The following GUCY1B1 variants were observed in gnomAD, a reference collection of about 807,000 sequenced individuals.
The protein encoded by GUCY1B1 is guanylate cyclase soluble subunit beta-1.
Under a neutral mutation model 71.0 loss-of-function variants are expected in GUCY1B1, and 43 were observed. That is an observed-to-expected ratio of 0.61 (90% CI 0.47 to 0.78). GUCY1B1 has a LOEUF of 0.78. Among genes scored for constraint, GUCY1B1 ranks in the 30% least tolerant of loss-of-function variants. The pLI is 0.00. For synonymous variants in GUCY1B1, 266 were observed against 259.7 expected, an observed-to-expected ratio of 1.02 and a Z score of -0.23; for missense variants, 535 against 754.1, an observed-to-expected ratio of 0.71 and a Z score of 3.40.
intron 2 of GUCY1B1, among the ~76,000 whole-genome samples, chr4:155,769,927 G>A (rs1437947226): frequency 6.6e-6 from 1 of 151,868 alleles, no homozygotes; most frequent in Non-Finnish European, 1.5e-5. Context: ...AACAAAATTG[G>A]AGCTCAAAAA....
At chr4:155,789,543 G>A (rs1234161185) in intron 4 of GUCY1B1, among the ~76,000 whole-genome samples, 171 bp from the exon 5 acceptor site, 2 of 152,026 alleles carry the variant, frequency 1.3e-5, no homozygotes, top group Non-Finnish European at 2.9e-5. Context: ...CATTTTCTCT[G>A]TGGCACTTGC....
intron 6 of GUCY1B1, 69 bp from the exon 7 acceptor site, chr4:155,795,272 C>A: frequency 1.4e-6 from 1 of 710,240 alleles, no homozygotes; most frequent in South Asian, 1.9e-5. Flanking sequence ...TTTAATCAAG[C>A]GATTAATATC....
At chr4:155,805,257 T>A (rs1212782474) in intron 13 of GUCY1B1, 28 bp downstream of exon 13, 1 of 1,584,282 alleles carries the variant, frequency 6.3e-7, no homozygotes, top group South Asian at 1.1e-5. Flanking sequence ...GTAATTTGCG[T>A]ACTTAAGACA....
intron 4 of GUCY1B1, 103 bp from the exon 5 acceptor site, chr4:155,789,611 C>CTG: frequency 3.0e-6 from 2 of 668,458 alleles, no homozygotes; most frequent in South Asian, 3.8e-5. Context: ...CGCTGATCTG[C>CTG]CCACTAGACT....
chr4:155,804,518 T>C (rs1740178763), intron 11 of GUCY1B1, 75 bp from the exon 12 acceptor site: 3 of 1,198,874 alleles, frequency 2.5e-6, no homozygotes, highest in South Asian at 1.3e-5. Flanking sequence ...ATGCCAGAAC[T>C]TAAAGTAAAA....
At chr4:155,762,240 C>G (rs548171820) in intron 2 of GUCY1B1, among the ~76,000 whole-genome samples, 1 of 152,266 alleles carries the variant, frequency 6.6e-6, no homozygotes, top group Non-Finnish European at 1.5e-5. Context: ...CCTCCCCTCC[C>G]TACCCTCTGC....
Position 155,759,103 on chromosome 4 carries a change from G to A in GUCY1B1, c.-38G>A, listed in dbSNP as rs746934059. The stretch of plus-strand genomic sequence containing the variant: ...CCTGGGTCCCTTCGGCCGTACCTCT[G>A]CGTGGGGGCTGCCTCCCCGGCTCCC... On this transcript the variant is annotated 5_prime_UTR_variant, in exon 1 of 14. Transcript: ENST00000264424. The A allele has an allele frequency of 6.3e-7, 1 of 1,586,998 alleles. No homozygotes were observed.
chr4:155,786,563 G>A (rs1160567777), intron 4 of GUCY1B1, among the ~76,000 whole-genome samples: 5 of 146,542 alleles, frequency 3.4e-5, no homozygotes, highest in Non-Finnish European at 6.0e-5. Flanking sequence ...TCCACCTCCC[G>A]GGTTCATGCC....
chr4:155,766,768 A>G lies in GUCY1B1; in HGVS notation c.77+6908A>G, dbSNP rs533622596. ...TGATTGAATCCTTTAGCAAGTTTCT[A>G]AAAGGCAGGGATGTGTGGTGCTGTT... is the stretch of plus-strand genomic sequence containing the variant. On this transcript the variant is annotated intron_variant, in intron 2 of 13. Coordinates refer to ENST00000264424, the MANE Select transcript of GUCY1B1 (RefSeq NM_000857.5). Among the ~76,000 whole-genome samples, 11 of 152,312 alleles carry G rather than the reference A, an allele frequency of 7.2e-5. No individual in the cohort carries two copies. In the South Asian group the frequency reaches 2.3e-3, roughly 32 times the overall value.
At chr4:155,785,368 A>G (rs1339764008) in intron 4 of GUCY1B1, 2 of 910,312 alleles carry the variant, frequency 2.2e-6, no homozygotes, top group African/African-American at 3.4e-5. Flanking sequence ...TTTTACTTTC[A>G]TACATATGGA....
At chr4:155,798,230 T>C (rs1250328583) in intron 8 of GUCY1B1, among the ~76,000 whole-genome samples, 1 of 152,192 alleles carries the variant, frequency 6.6e-6, no homozygotes, top group Non-Finnish European at 1.5e-5. Flanking sequence ...GTAAAAGTAG[T>C]TTTACTTGTA....
chr4:155,766,273 A>G lies in GUCY1B1; in HGVS notation c.77+6413A>G, dbSNP rs1579190528. 2.6e-5 allele frequency among the ~76,000 whole-genome samples: 4 copies of G among 152,320 alleles called. No homozygotes were observed. In the South Asian group the frequency reaches 8.3e-4, roughly 32 times the overall value. On this transcript the variant is annotated intron_variant, in intron 2 of 13. Transcript: ENST00000264424. Reference sequence around the variant, plus strand: ...TTAAATATAAGCTGTTTTCAAATAGACATTTCTTTTTCTCCAAGATTTATT... The same window carrying G: ...TTAAATATAAGCTGTTTTCAAATAGGCATTTCTTTTTCTCCAAGATTTATT...
intron 2 of GUCY1B1, among the ~76,000 whole-genome samples, chr4:155,767,763 C>G (rs1452333762): frequency 6.6e-6 from 1 of 152,078 alleles, no homozygotes; most frequent in East Asian, 1.9e-4. Context: ...TACTGAGAAT[C>G]ATTAGATTAG....
At chr4:155,770,418 T>C (rs2111002508) in intron 2 of GUCY1B1, among the ~76,000 whole-genome samples, 1 of 152,302 alleles carries the variant, frequency 6.6e-6, no homozygotes, top group African/African-American at 2.4e-5. Flanking sequence ...AGTCCGATTA[T>C]ATATAAATTT....
chr4:155,759,462 G>C, intron 1 of GUCY1B1: 1 of 502,342 alleles, frequency 2.0e-6, no homozygotes, highest in East Asian at 3.5e-5. Flanking sequence ...GTGGGAGGCT[G>C]AGCGCCAGCG....
chr4:155,760,728 T>A (rs1736946334), intron 2 of GUCY1B1, among the ~76,000 whole-genome samples: 1 of 152,184 alleles, frequency 6.6e-6, no homozygotes, highest in Non-Finnish European at 1.5e-5. Flanking sequence ...AAAACCCTAT[T>A]TATGGATTTT....
At chr4:155,772,857 C>T in intron 2 of GUCY1B1, 3 of 695,998 alleles carry the variant, frequency 4.3e-6, no homozygotes, top group Admixed American at 4.1e-5. Flanking sequence ...TGAATAAATG[C>T]AGGCAAATAA....
intron 2 of GUCY1B1, among the ~76,000 whole-genome samples, chr4:155,768,021 A>C (rs1034115737): frequency 6.6e-6 from 1 of 152,076 alleles, no homozygotes; most frequent in African/African-American, 2.4e-5. Context: ...GTGTTCTGAT[A>C]ATGTTGTTTA....
Position 155,777,659 on chromosome 4 carries a change from C to T in GUCY1B1, c.297+17C>T. 8.2e-7 allele frequency: 1 copy of T among 1,213,308 alleles called. No homozygotes were observed. Among genetic ancestry groups the T allele is most frequent in the Non-Finnish European group, 1.2e-6 (1 of 814,494 alleles). The allele number at this position is 1,213,308 out of a possible 1,614,324, so 75.2% of individuals were successfully genotyped here. ...TTTCTACAGGTAAGCAATTTGAGGT[C>T]CTATAGTTAAAAGTTCTGTGTTTAT... On this transcript the variant is annotated intron_variant, in intron 4 of 13. Transcript: ENST00000264424.
Sources: gnomAD v4.1 joint callset for allele counts (sites outside exome capture counted in the v4.1 genomes callset) on GRCh38, gnomAD v4.1.1 for gene constraint, MANE v1.5 for transcripts, NCBI Gene and HGNC (gene_info 2026-07-23, HGNC 2026-07-21) for gene names.